The following GRIA2 variants were observed in gnomAD, a reference collection of about 807,000 sequenced individuals.
The protein encoded by GRIA2 is glutamate ionotropic receptor AMPA type subunit 2.
GRIA2 carries 14 observed loss-of-function variants against 97.3 expected under a neutral mutation model. That is an observed-to-expected ratio of 0.14 (90% CI 0.10 to 0.23). The LOEUF is 0.23. Among genes scored for constraint, GRIA2 ranks in the 10% least tolerant of loss-of-function variants. The probability of loss-of-function intolerance (pLI) is 1.00; values close to 1 mark genes in which losing one functional copy is unlikely to be tolerated. For missense variants in GRIA2, 558 were observed against 1,069.8 expected (o/e 0.52, Z 6.67); for synonymous variants, 412 against 387.8 (o/e 1.06, Z -0.73).
chr4:157,336,225 T>A (rs2126939566), intron 10 of GRIA2, 152 bp from the exon 11 acceptor site: 1 of 680,440 alleles, frequency 1.5e-6, no homozygotes, highest in East Asian at 2.6e-5. Flanking sequence ...GAATAATTCC[T>A]TTTTGTTTAT....
intron 2 of GRIA2, 136 bp downstream of exon 2, chr4:157,221,943 C>T: frequency 1.4e-6 from 1 of 739,064 alleles, no homozygotes; most frequent in Non-Finnish European, 2.3e-6. Context: ...TGCACACACG[C>T]GTGCGTGTGA....
chr4:157,318,017 T>C (rs935733894), intron 5 of GRIA2, among the ~76,000 whole-genome samples: 2 of 152,130 alleles, frequency 1.3e-5, no homozygotes, highest in Non-Finnish European at 2.9e-5. Context: ...ATATTTGATA[T>C]ATTAGATATA....
chr4:157,241,144 G>T (rs1730492218), intron 2 of GRIA2, among the ~76,000 whole-genome samples: 1 of 152,000 alleles, frequency 6.6e-6, no homozygotes, highest in Admixed American at 6.6e-5. Flanking sequence ...CTGAGTATTT[G>T]CATGTTTGCA....
At chr4:157,298,461 G>A (rs1478252133) in intron 2 of GRIA2, among the ~76,000 whole-genome samples, 1 of 151,956 alleles carries the variant, frequency 6.6e-6, no homozygotes, top group Admixed American at 6.6e-5. Flanking sequence ...GCATGAGCAG[G>A]AAGGGAAAAA....
intron 2 of GRIA2, among the ~76,000 whole-genome samples, chr4:157,293,424 C>T (rs1733194406): frequency 6.6e-6 from 1 of 152,078 alleles, no homozygotes; most frequent in Non-Finnish European, 1.5e-5. Context: ...TGCCAGATAT[C>T]AAAGTAAGCC....
chr4:157,314,978 T>C (rs979471363), intron 4 of GRIA2, among the ~76,000 whole-genome samples: 1 of 152,160 alleles, frequency 6.6e-6, no homozygotes, highest in Admixed American at 6.5e-5. Flanking sequence ...CACTACAGAA[T>C]TACAAGTTAA....
intron 2 of GRIA2, among the ~76,000 whole-genome samples, chr4:157,293,986 G>GA (rs1733224397): frequency 3.3e-5 from 5 of 151,890 alleles, no homozygotes; most frequent in African/African-American, 1.2e-4. Flanking sequence ...ATACTATATT[G>GA]AAAAAAATGT....
At chr4:157,248,571 G>GTA (rs70958814) in intron 2 of GRIA2, among the ~76,000 whole-genome samples, 904 of 4,312 alleles carry the variant, frequency 0.21, 51 homozygotes, top group East Asian at 0.37. Context: ...ATATACGTGT[G>GTA]TATATATATA....
chr4:157,287,915 T>A (rs1265181222), intron 2 of GRIA2, among the ~76,000 whole-genome samples: 1 of 151,650 alleles, frequency 6.6e-6, no homozygotes, highest in Admixed American at 6.6e-5. Flanking sequence ...TCTTGGGTGT[T>A]TTTCTTGTGA....
intron 2 of GRIA2, among the ~76,000 whole-genome samples, chr4:157,259,140 A>C (rs1428100510): frequency 2.0e-5 from 3 of 152,058 alleles, no homozygotes; most frequent in Non-Finnish European, 4.4e-5. Flanking sequence ...AAATGAGAGG[A>C]CTGCTTGAGC....
intron 6 of GRIA2, among the ~76,000 whole-genome samples, chr4:157,325,797 A>C (rs1049649059): frequency 2.0e-5 from 3 of 151,970 alleles, no homozygotes; most frequent in Non-Finnish European, 4.4e-5. Flanking sequence ...ACTTCCTACC[A>C]CCTTCTCTTC....
intron 2 of GRIA2, among the ~76,000 whole-genome samples, chr4:157,267,964 C>T (rs1731847222): frequency 6.6e-6 from 1 of 151,978 alleles, no homozygotes; most frequent in Admixed American, 6.6e-5. Flanking sequence ...TAAACAAGAA[C>T]TTATCCAACA....
intron 2 of GRIA2, among the ~76,000 whole-genome samples, chr4:157,246,525 T>G (rs1730739666): frequency 6.6e-6 from 1 of 152,150 alleles, no homozygotes; most frequent in South Asian, 2.1e-4. Context: ...ATTTTATACT[T>G]TCGTAGTAAT....
chr4:157,354,807 T>C lies in GRIA2; in HGVS notation c.2044-5089T>C, dbSNP rs114690402. Among the ~76,000 whole-genome samples, 602 of 152,298 alleles carry C rather than the reference T, an allele frequency of 4.0e-3. 1 individual carries two copies. The highest frequency in any genetic ancestry group is 0.014 in the African/African-American group (567 of 41,576). The stretch of plus-strand genomic sequence containing the variant: ...ATGTTAGTTTTATAGGATCTTTCTA[T>C]AGGGAAGGATTCTGTCAGGACTTTT... On this transcript the variant is annotated intron_variant, in intron 12 of 15. Coordinates refer to ENST00000264426, the MANE Select transcript of GRIA2 (RefSeq NM_001083619.3).
intron 2 of GRIA2, among the ~76,000 whole-genome samples, chr4:157,271,452 A>G (rs980924969): frequency 7.9e-5 from 12 of 152,078 alleles, no homozygotes; most frequent in Non-Finnish European, 1.8e-4. Context: ...TAAGCAGGTC[A>G]CAGAACTCAG....
intron 2 of GRIA2, among the ~76,000 whole-genome samples, chr4:157,241,070 A>G (rs368088940): frequency 6.6e-6 from 1 of 152,034 alleles, no homozygotes; most frequent in Non-Finnish European, 1.5e-5. Flanking sequence ...TAGTATTCCA[A>G]GGTGTATATG....
At position 157,360,147 on chromosome 4, in the gene GRIA2, G is replaced by A. The variant is rs1736571216; in HGVS notation, c.2291+4G>A. 6.2e-7 allele frequency: 1 copy of A among 1,612,852 alleles called. No homozygotes were observed. Among genetic ancestry groups the A allele is most frequent in the Non-Finnish European group, 8.5e-7 (1 of 1,179,328 alleles). On this transcript the variant is annotated splice_donor_region_variant and intron_variant, in intron 13 of 15. Transcript: ENST00000264426. ...CACCTAAAGGATCCTCATTAAGGTG[G>A]GTGGAATAGTATAACAATATGCTAA...
At chr4:157,264,290 G>A (rs1731672505) in intron 2 of GRIA2, among the ~76,000 whole-genome samples, 1 of 152,094 alleles carries the variant, frequency 6.6e-6, no homozygotes, top group African/African-American at 2.4e-5. Context: ...GTGTCAGCAG[G>A]GCTGCTTTTC....
At chr4:157,330,532 CT>C (rs989828635) in intron 6 of GRIA2, among the ~76,000 whole-genome samples, 1 of 151,832 alleles carries the variant, frequency 6.6e-6, no homozygotes, top group African/African-American at 2.4e-5. Flanking sequence ...ATACACAGAA[CT>C]TTTTTTCATT....
Sources: allele counts gnomAD v4.1 joint callset (sites outside exome capture counted in the v4.1 genomes callset), GRCh38; gene constraint gnomAD v4.1.1; transcripts MANE v1.5; gene names NCBI Gene and HGNC (gene_info 2026-07-23, HGNC 2026-07-21).